AKAP19: variants seen among roughly 807,000 people sequenced by gnomAD.
The protein encoded by AKAP19 is small A-kinase anchoring protein.
At chr2:189,887,283 C>T in the AKAP19 span, among the ~76,000 whole-genome samples, 2 of 152,202 alleles carry the variant, frequency 1.3e-5, no homozygotes, top group African/African-American at 4.8e-5. Flanking sequence ...CCAGCTTCAT[C>T]CATGTCCCTG....
chr2:190,115,245 A>G, the AKAP19 span, among the ~76,000 whole-genome samples: 1 of 100,130 alleles, frequency 1.0e-5, no homozygotes. Flanking sequence ...AGGGAAGGAG[A>G]GACAAGGCAA....
chr2:189,903,179 T>G, the AKAP19 span, among the ~76,000 whole-genome samples: 1 of 151,930 alleles, frequency 6.6e-6, no homozygotes, highest in African/African-American at 2.4e-5. Context: ...TTCTGAATAA[T>G]TTTTCTTGAG....
the AKAP19 span, among the ~76,000 whole-genome samples, chr2:189,944,430 C>A: frequency 6.6e-6 from 1 of 152,124 alleles, no homozygotes; most frequent in Non-Finnish European, 1.5e-5. Context: ...CACTATGCTT[C>A]CTATAAAGCC....
chr2:190,026,063 A>G, the AKAP19 span, among the ~76,000 whole-genome samples: 2 of 152,158 alleles, frequency 1.3e-5, no homozygotes, highest in Non-Finnish European at 2.9e-5. Context: ...AAAAATACAA[A>G]CATCTTCAGC....
At chr2:189,950,153 A>G in the AKAP19 span, among the ~76,000 whole-genome samples, 1 of 145,356 alleles carries the variant, frequency 6.9e-6, no homozygotes, top group African/African-American at 2.6e-5. Context: ...TCAGCATCCC[A>G]AGTAGCTGGG....
At chr2:190,047,335 CT>C in the AKAP19 span, among the ~76,000 whole-genome samples, 4 of 152,300 alleles carry the variant, frequency 2.6e-5, no homozygotes, top group East Asian at 1.9e-4. Context: ...ATCCATCAAA[CT>C]TTTCTTCATC....
the AKAP19 span, among the ~76,000 whole-genome samples, chr2:190,063,068 A>G: frequency 6.6e-6 from 1 of 152,152 alleles, no homozygotes; most frequent in African/African-American, 2.4e-5. Flanking sequence ...TATACTACAT[A>G]TTTAAAATAT....
chr2:190,165,123 G>T, the AKAP19 span, among the ~76,000 whole-genome samples: 11 of 152,222 alleles, frequency 7.2e-5, no homozygotes, highest in Admixed American at 5.9e-4. Flanking sequence ...ATTAGCATTA[G>T]AATTAAATTT....
chr2:189,885,162 C>T, the AKAP19 span, among the ~76,000 whole-genome samples: 2 of 152,152 alleles, frequency 1.3e-5, no homozygotes, highest in Admixed American at 1.3e-4. Flanking sequence ...ATCTGTTCCT[C>T]CACTCTCGAA....
chr2:189,925,628 A>G, the AKAP19 span, among the ~76,000 whole-genome samples: 8 of 152,118 alleles, frequency 5.3e-5, no homozygotes, highest in Admixed American at 5.2e-4. Context: ...GGATAGGATG[A>G]TCTTTGGGTT....
chr2:190,081,235 A>G, the AKAP19 span, among the ~76,000 whole-genome samples: 12 of 149,160 alleles, frequency 8.0e-5, no homozygotes, highest in Admixed American at 3.3e-4. Flanking sequence ...CCCTGCCACA[A>G]CTCCTTCCCT....
At chr2:189,908,882 A>G in the AKAP19 span, among the ~76,000 whole-genome samples, 3 of 152,144 alleles carry the variant, frequency 2.0e-5, no homozygotes, top group Admixed American at 2.0e-4. Context: ...CTTGGTCTAC[A>G]GTGTAGTCCA....
chr2:190,123,491 TA>T, the AKAP19 span, among the ~76,000 whole-genome samples: 1 of 152,224 alleles, frequency 6.6e-6, no homozygotes, highest in Non-Finnish European at 1.5e-5. Context: ...TATCAAAAGA[TA>T]ATATTATTAG....
chr2:190,167,789 A>G, the AKAP19 span, among the ~76,000 whole-genome samples: 1 of 152,196 alleles, frequency 6.6e-6, no homozygotes, highest in Non-Finnish European at 1.5e-5. Flanking sequence ...GTGAGTTCCC[A>G]TGGTCTTAGG....
At chr2:190,165,052 G>A in the AKAP19 span, among the ~76,000 whole-genome samples, 1 of 152,146 alleles carries the variant, frequency 6.6e-6, no homozygotes, top group East Asian at 1.9e-4. Flanking sequence ...CTCATTTACA[G>A]TATAAAAGAA....
At chr2:189,938,335 C>T in the AKAP19 span, among the ~76,000 whole-genome samples, 1 of 142,794 alleles carries the variant, frequency 7.0e-6, no homozygotes, top group African/African-American at 2.6e-5. Context: ...GACTCCATCT[C>T]CAAAAAAAAA....
chr2:190,013,660 T>C, the AKAP19 span, among the ~76,000 whole-genome samples: 4 of 151,808 alleles, frequency 2.6e-5, no homozygotes, highest in Non-Finnish European at 5.9e-5. Context: ...GGATTACAGG[T>C]GCCTGCCACC....
the AKAP19 span, among the ~76,000 whole-genome samples, chr2:189,916,539 C>G: frequency 1.3e-5 from 2 of 151,996 alleles, no homozygotes; most frequent in East Asian, 1.9e-4. Context: ...CCAGGCTTGT[C>G]TGGAACTCCT....
chr2:190,172,595 T>C, the AKAP19 span, among the ~76,000 whole-genome samples: 9 of 152,246 alleles, frequency 5.9e-5, no homozygotes, highest in Middle Eastern at 6.8e-3. Context: ...AGGAATTAGA[T>C]AGGAGGTTTG....
Sources: gnomAD v4.1 joint callset for allele counts (sites outside exome capture counted in the v4.1 genomes callset) on GRCh38, gnomAD v4.1.1 for gene constraint, MANE v1.5 for transcripts, NCBI Gene and HGNC (gene_info 2026-07-23, HGNC 2026-07-21) for gene names.